Variants in NT5DC3 observed in about 807,000 individuals in gnomAD.
NT5DC3 encodes 5'-nucleotidase domain containing 3, also known as 5'-nucleotidase domain-containing protein 3.
Under a neutral mutation model 67.8 loss-of-function variants are expected in NT5DC3, and 42 were observed. The observed-to-expected ratio is 0.62, with a 90% confidence interval of 0.48 to 0.80. The LOEUF (loss-of-function observed/expected upper bound fraction) is 0.80, where lower values mean the gene tolerates loss of function less well. Ranked by LOEUF, NT5DC3 falls within the 30% of genes least tolerant of loss-of-function variation. The probability of loss-of-function intolerance (pLI) is 0.00; values close to 1 mark genes in which losing one functional copy is unlikely to be tolerated. For missense variants in NT5DC3, 570 were observed against 696.4 expected (o/e 0.82, Z 2.04); for synonymous variants, 237 against 255.6 (o/e 0.93, Z 0.69).
At chr12:103,830,747 T>C (rs1216355047) in intron 1 of NT5DC3, among the ~76,000 whole-genome samples, 1 of 152,240 alleles carries the variant, frequency 6.6e-6, no homozygotes, top group East Asian at 1.9e-4. Context: ...ATCATTTTAG[T>C]AGTTTCATAT....
intron 13 of NT5DC3, among the ~76,000 whole-genome samples, chr12:103,779,158 C>T (rs1885449092): frequency 6.6e-6 from 1 of 152,120 alleles, no homozygotes. Context: ...TGTAAATCTC[C>T]CCCAACCATT....
At chr12:103,753,640 G>T in the NT5DC3 span, among the ~76,000 whole-genome samples, 1 of 152,240 alleles carries the variant, frequency 6.6e-6, no homozygotes, top group Admixed American at 6.5e-5. Context: ...CTGAGGCTTA[G>T]AAAGTTTAAG....
chr12:103,763,417 C>A, the NT5DC3 span: 2 of 1,356,016 alleles, frequency 1.5e-6, no homozygotes, highest in South Asian at 1.2e-5. Context: ...GGGTGGCTTG[C>A]TTTACCTGCC....
chr12:103,795,351 T>C (rs1886266035), intron 6 of NT5DC3, among the ~76,000 whole-genome samples: 1 of 152,160 alleles, frequency 6.6e-6, no homozygotes, highest in East Asian at 1.9e-4. Flanking sequence ...CCTACTAAGC[T>C]CTACACAAGT....
the NT5DC3 span, chr12:103,755,285 T>C: frequency 1.2e-6 from 2 of 1,612,528 alleles, no homozygotes; most frequent in Non-Finnish European, 1.7e-6. Context: ...CCCATGGCCC[T>C]GTCTGTATCC....
chr12:103,827,667 GAA>G (rs1887751037), intron 1 of NT5DC3, among the ~76,000 whole-genome samples: 1 of 152,044 alleles, frequency 6.6e-6, no homozygotes, highest in Non-Finnish European at 1.5e-5. Context: ...CTAGTGAAGT[GAA>G]AAAGAGTTAC....
intron 2 of NT5DC3, among the ~76,000 whole-genome samples, chr12:103,811,128 A>C (rs1487433534): frequency 1.3e-5 from 2 of 152,242 alleles, no homozygotes; most frequent in African/African-American, 4.8e-5. Flanking sequence ...CTGGGAATAC[A>C]GCAATGAACA....
Position 103,797,004 on chromosome 12 carries a change from A to C in NT5DC3, c.643T>G (p.Phe215Val). 2.5e-6 allele frequency: 4 copies of C among 1,614,172 alleles called. No homozygotes were observed. The highest frequency in any genetic ancestry group is 3.4e-6 in the Non-Finnish European group (4 of 1,180,014). ...TCGGGCAGGGAGAAGATGTCCATGAACTGCTTCATCGTGTTTCCATGAGAG... is the reference window on the plus strand; with the variant it reads ...TCGGGCAGGGAGAAGATGTCCATGACCTGCTTCATCGTGTTTCCATGAGAG... ...KSSHGNTMKQ[F>V]MDIFSLPEMT... The change falls in exon 6 of 14, where the codon TTC becomes GTC. Residue 215 changes from phenylalanine to valine, a missense_variant. Phe to Val is a conservative substitution (Grantham distance 50, BLOSUM62 -1). Around this residue, in one of 2 missense-constraint regions of NT5DC3, gnomAD observed 466 missense variants for 608.0 expected, o/e 0.77. Coordinates refer to ENST00000392876, the MANE Select transcript of NT5DC3 (RefSeq NM_001031701.3).
At chr12:103,754,827 T>A in the NT5DC3 span, among the ~76,000 whole-genome samples, 1,445 of 151,910 alleles carry the variant, frequency 9.5e-3, 43 homozygotes, top group East Asian at 0.097. Context: ...ACACCTGTAA[T>A]CCTAGCTACC....
chr12:103,748,605 TACAC>T, the NT5DC3 span, among the ~76,000 whole-genome samples: 715 of 141,658 alleles, frequency 5.0e-3, 2 homozygotes, highest in Middle Eastern at 7.0e-3. Context: ...CACACACACA[TACAC>T]ACACACACAC....
At chr12:103,810,461 C>T (rs1358794133) in intron 2 of NT5DC3, among the ~76,000 whole-genome samples, 3 of 152,162 alleles carry the variant, frequency 2.0e-5, no homozygotes, top group Admixed American at 1.3e-4. Context: ...AACTTTTCAC[C>T]ACCCAAGGGG....
At chr12:103,838,332 C>T (rs573675389) in intron 1 of NT5DC3, among the ~76,000 whole-genome samples, 3 of 152,196 alleles carry the variant, frequency 2.0e-5, no homozygotes, top group Non-Finnish European at 2.9e-5. Flanking sequence ...CTGTCTCATG[C>T]GCCAGGCACT....
At chr12:103,789,453 A>G (rs1373585685) in intron 9 of NT5DC3, among the ~76,000 whole-genome samples, 1 of 152,040 alleles carries the variant, frequency 6.6e-6, no homozygotes, top group East Asian at 1.9e-4. Context: ...AAACAAAAAA[A>G]AGAATTCCAG....
At chr12:103,748,962 G>C in the NT5DC3 span, 1 of 1,612,508 alleles carries the variant, frequency 6.2e-7, no homozygotes, top group Admixed American at 1.7e-5. Flanking sequence ...TGCTCTTGCA[G>C]TTGTGGATTT....
intron 1 of NT5DC3, among the ~76,000 whole-genome samples, chr12:103,823,307 A>G (rs1887564050): frequency 6.6e-6 from 1 of 152,058 alleles, no homozygotes; most frequent in African/African-American, 2.4e-5. Context: ...CCCAGTGCTC[A>G]GTCAACCAAA....
chr12:103,780,417 T>C, intron 12 of NT5DC3, 53 bp from the exon 13 acceptor site: 1 of 1,531,390 alleles, frequency 6.5e-7, no homozygotes, highest in Non-Finnish European at 9.0e-7. Context: ...ATAAGCTCAT[T>C]ACGTAATGAG....
At chr12:103,764,127 A>G in the NT5DC3 span, among the ~76,000 whole-genome samples, 1 of 151,588 alleles carries the variant, frequency 6.6e-6, no homozygotes, top group African/African-American at 2.4e-5. Context: ...CTAACTTTGT[A>G]TTGTTAATAC....
chr12:103,795,894 C>T (rs956486794), intron 6 of NT5DC3, among the ~76,000 whole-genome samples: 1 of 152,166 alleles, frequency 6.6e-6, no homozygotes, highest in Non-Finnish European at 1.5e-5. Context: ...TGTGAAACGA[C>T]ATAAAGCAAA....
chr12:103,756,606 C>G, the NT5DC3 span, among the ~76,000 whole-genome samples: 1 of 152,186 alleles, frequency 6.6e-6, no homozygotes, highest in African/African-American at 2.4e-5. Flanking sequence ...GAGCTGGGCT[C>G]AATCTCAGAC....
Sources: allele counts gnomAD v4.1 joint callset (sites outside exome capture counted in the v4.1 genomes callset), GRCh38; gene constraint gnomAD v4.1.1; regional missense constraint gnomAD v4.1.1; transcripts MANE v1.5; gene names NCBI Gene and HGNC (gene_info 2026-07-23, HGNC 2026-07-21).